Variants in MTHFD2L observed in about 807,000 individuals in gnomAD.
MTHFD2L encodes the protein bifunctional methylenetetrahydrofolate dehydrogenase/cyclohydrolase 2, mitochondrial.
Under a neutral mutation model 34.9 loss-of-function variants are expected in MTHFD2L, and 29 were observed. The ratio of observed to expected loss-of-function variants is 0.83; its 90% CI spans 0.62 to 1.13. The LOEUF is 1.13. Ranked by LOEUF, MTHFD2L falls within the 50% of genes most tolerant of loss-of-function variation. The pLI, the probability that MTHFD2L is intolerant of heterozygous loss-of-function variation, is 0.00. For synonymous variants in MTHFD2L, 167 were observed against 155.7 expected (o/e 1.07, Z -0.54); for missense variants, 481 against 446.5 (o/e 1.08, Z -0.70).
intron 6 of MTHFD2L, among the ~76,000 whole-genome samples, chr4:74,273,783 T>C (rs980863183): frequency 2.0e-5 from 3 of 152,176 alleles, no homozygotes; most frequent in Middle Eastern, 3.2e-3. Context: ...GTGAAAGTAC[T>C]GCTGTGTACC....
intron 5 of MTHFD2L, among the ~76,000 whole-genome samples, chr4:74,218,279 T>C (rs1737541362): frequency 6.6e-6 from 1 of 152,100 alleles, no homozygotes; most frequent in East Asian, 1.9e-4. Context: ...TAGAGTTGCA[T>C]AGGAAAACAT....
intron 5 of MTHFD2L, among the ~76,000 whole-genome samples, chr4:74,215,641 G>A (rs1737081066): frequency 6.6e-6 from 1 of 151,710 alleles, no homozygotes; most frequent in East Asian, 1.9e-4. Flanking sequence ...GCTCCTATTT[G>A]GCCATCTTGC....
At chr4:74,237,003 A>G (rs775097172) in intron 6 of MTHFD2L, among the ~76,000 whole-genome samples, 10 of 152,306 alleles carry the variant, frequency 6.6e-5, no homozygotes, top group African/African-American at 9.6e-5. Context: ...GGCATAAAAT[A>G]TGCCTTTACA....
At chr4:74,251,374 G>A (rs1325612552) in intron 6 of MTHFD2L, among the ~76,000 whole-genome samples, 3 of 152,182 alleles carry the variant, frequency 2.0e-5, no homozygotes, top group Non-Finnish European at 4.4e-5. Context: ...AGTACATGAT[G>A]AGAATGAAAT....
chr4:74,281,596 C>T (rs1449528160), intron 7 of MTHFD2L, 46 bp downstream of exon 7: 2 of 1,552,794 alleles, frequency 1.3e-6, no homozygotes, highest in South Asian at 1.2e-5. Context: ...TAAAAAAATT[C>T]CACCTTACGT....
chr4:74,202,526 G>A (rs1734617167), intron 5 of MTHFD2L, among the ~76,000 whole-genome samples: 1 of 152,170 alleles, frequency 6.6e-6, no homozygotes, highest in African/African-American at 2.4e-5. Context: ...CAGCAAAGGG[G>A]TGATGGGGCA....
intron 1 of MTHFD2L, among the ~76,000 whole-genome samples, chr4:74,127,243 T>C (rs1375920057): frequency 6.6e-6 from 1 of 152,180 alleles, no homozygotes; most frequent in South Asian, 2.1e-4. Context: ...TCACCTTAAA[T>C]ACTTTTCTTT....
chr4:74,230,776 A>T (rs530747810), intron 6 of MTHFD2L, among the ~76,000 whole-genome samples: 1 of 152,156 alleles, frequency 6.6e-6, no homozygotes, highest in Non-Finnish European at 1.5e-5. Context: ...GCCAGTATCA[A>T]TTCTAAGATC....
Position 74,262,460 on chromosome 4 carries a change from G to A in MTHFD2L, c.806-18965G>A, listed in dbSNP as rs1256729063. Among the ~76,000 whole-genome samples, 5 of 151,826 alleles carry A rather than the reference G, an allele frequency of 3.3e-5. No individual in the cohort carries two copies. The East Asian group carries it at 5.8e-4, about 18-fold the overall frequency. On this transcript the variant is annotated intron_variant, in intron 6 of 7. Transcript: ENST00000325278. Reference sequence around the variant, plus strand: ...AGTGCCTCTTAGAGTTAAAATTTTAGCATTTTATTGGGAGAAAATATTTGC... The same window carrying A: ...AGTGCCTCTTAGAGTTAAAATTTTAACATTTTATTGGGAGAAAATATTTGC...
At chr4:74,209,830 A>G (rs542731643) in intron 5 of MTHFD2L, among the ~76,000 whole-genome samples, 34 of 152,174 alleles carry the variant, frequency 2.2e-4, no homozygotes, top group African/African-American at 7.7e-4. Context: ...AAGCATTCCT[A>G]TTTCTCCACA....
At chr4:74,222,533 ATAT>A (rs1383385766) in intron 5 of MTHFD2L, among the ~76,000 whole-genome samples, 1 of 152,120 alleles carries the variant, frequency 6.6e-6, no homozygotes, top group African/African-American at 2.4e-5. Flanking sequence ...CCACCTCTTA[ATAT>A]TGTTACAATT....
chr4:74,228,451 C>T (rs1739515354), intron 6 of MTHFD2L, among the ~76,000 whole-genome samples: 4 of 152,080 alleles, frequency 2.6e-5, no homozygotes, highest in Admixed American at 2.6e-4. Context: ...TGACTATTGT[C>T]CTTAGATAAC....
At chr4:74,153,915 T>A (rs1724093325), upstream of MTHFD2L, among the ~76,000 whole-genome samples, 1 of 152,164 alleles carries the variant, frequency 6.6e-6, no homozygotes, top group Admixed American at 6.5e-5. Context: ...TAACAAAAGT[T>A]TATACTTTAT....
intron 7 of MTHFD2L, among the ~76,000 whole-genome samples, chr4:74,284,812 C>T (rs1747947338): frequency 1.3e-5 from 2 of 152,174 alleles, no homozygotes; most frequent in Admixed American, 1.3e-4. Flanking sequence ...ACTAGAAATA[C>T]CAATTGACCC....
intron 5 of MTHFD2L, among the ~76,000 whole-genome samples, chr4:74,204,690 ATATT>A (rs1735001515): frequency 6.6e-6 from 1 of 152,178 alleles, no homozygotes; most frequent in Admixed American, 6.5e-5. Flanking sequence ...CTTGAATTAT[ATATT>A]TGTCTATAAA....
chr4:74,220,541 T>G (rs972458611), intron 5 of MTHFD2L, among the ~76,000 whole-genome samples: 2 of 151,992 alleles, frequency 1.3e-5, no homozygotes, highest in Non-Finnish European at 2.9e-5. Flanking sequence ...CTTTATGATA[T>G]TAAACATTCC....
chr4:74,240,787 A>T (rs977755650), intron 6 of MTHFD2L, among the ~76,000 whole-genome samples: 1 of 152,204 alleles, frequency 6.6e-6, no homozygotes, highest in Non-Finnish European at 1.5e-5. Flanking sequence ...CACTGGCAAG[A>T]TTCTGCCTGC....
At chr4:74,287,644 G>A (rs1157190388) in intron 7 of MTHFD2L, among the ~76,000 whole-genome samples, 1 of 152,196 alleles carries the variant, frequency 6.6e-6, no homozygotes, top group African/African-American at 2.4e-5. Flanking sequence ...CTACTCAGGA[G>A]GCTGATGAAG....
At chr4:74,264,026 T>A (rs959725269) in intron 6 of MTHFD2L, among the ~76,000 whole-genome samples, 4 of 151,962 alleles carry the variant, frequency 2.6e-5, no homozygotes, top group Admixed American at 6.6e-5. Flanking sequence ...TAAAAAAAAA[T>A]TATCAGCAAA....
Sources: allele counts gnomAD v4.1 joint callset (sites outside exome capture counted in the v4.1 genomes callset), GRCh38; gene constraint gnomAD v4.1.1; transcripts MANE v1.5; gene names NCBI Gene and HGNC (gene_info 2026-07-23, HGNC 2026-07-21).